Variants in COX7B2 observed in about 807,000 individuals in gnomAD.
COX7B2 encodes cytochrome c oxidase subunit 7B2, mitochondrial.
For synonymous variants in COX7B2, 37 were observed against 32.1 expected (o/e 1.15, Z -0.51); for missense variants, 109 against 95.9 (o/e 1.14, Z -0.57).
chr4:46,903,639 T>A (rs1720202118), intron 1 of COX7B2, among the ~76,000 whole-genome samples: 1 of 152,172 alleles, frequency 6.6e-6, no homozygotes, highest in Admixed American at 6.5e-5. Context: ...AACAGGTGTA[T>A]CATTTTTTAT....
At position 46,885,920 on chromosome 4, in the gene COX7B2, A is replaced by T. The variant is rs1577698173; in HGVS notation, c.-105+23240T>A. Reference sequence around the variant, plus strand: ...TTTTCCAAAACTGAGTTTCCAGGTCAAGAGTTTATTTTTCATGTTAGAATA... The same window carrying T: ...TTTTCCAAAACTGAGTTTCCAGGTCTAGAGTTTATTTTTCATGTTAGAATA... On this transcript the variant is annotated intron_variant, in intron 1 of 2. Transcript: ENST00000355591. Among the ~76,000 whole-genome samples the T allele has an allele frequency of 2.0e-5, 3 of 152,194 alleles. No homozygotes were observed. In the South Asian group the frequency reaches 6.2e-4, roughly 31 times the overall value.
intron 2 of COX7B2, among the ~76,000 whole-genome samples, chr4:46,782,011 G>A (rs2109554418): frequency 6.6e-6 from 1 of 152,258 alleles, no homozygotes; most frequent in East Asian, 1.9e-4. Context: ...GTGGCACCTG[G>A]TCGCACTGAC....
chr4:46,741,788 T>C (rs77598784), intron 2 of COX7B2, among the ~76,000 whole-genome samples: 5,835 of 152,192 alleles, frequency 0.038, 147 homozygotes, highest in Non-Finnish European at 0.06. Flanking sequence ...CTGGAATCTT[T>C]ATGACAAAAT....
intron 2 of COX7B2, among the ~76,000 whole-genome samples, chr4:46,801,493 C>A (rs760144351): frequency 2.0e-5 from 3 of 152,116 alleles, no homozygotes; most frequent in Middle Eastern, 3.2e-3. Context: ...AAACAAATAT[C>A]GCATGTTCCT....
intron 2 of COX7B2, among the ~76,000 whole-genome samples, chr4:46,844,644 C>T (rs1716145726): frequency 6.6e-6 from 1 of 151,976 alleles, no homozygotes; most frequent in African/African-American, 2.4e-5. Context: ...TGTTTGCTGG[C>T]AATACACACA....
At chr4:46,816,892 T>C (rs1421392030) in intron 2 of COX7B2, among the ~76,000 whole-genome samples, 1 of 152,206 alleles carries the variant, frequency 6.6e-6, no homozygotes, top group African/African-American at 2.4e-5. Context: ...TGTAGCTTGT[T>C]TGTGAGGGTA....
chr4:46,892,605 C>T (rs1160724639), intron 1 of COX7B2, among the ~76,000 whole-genome samples: 5 of 152,138 alleles, frequency 3.3e-5, no homozygotes, highest in Non-Finnish European at 7.4e-5. Flanking sequence ...AAACCTTGAG[C>T]TTCATCCCCA....
At chr4:46,833,374 G>C (rs1229335395) in intron 2 of COX7B2, among the ~76,000 whole-genome samples, 3 of 152,178 alleles carry the variant, frequency 2.0e-5, no homozygotes, top group African/African-American at 7.2e-5. Flanking sequence ...GATGTAACTA[G>C]AATGAGAAAA....
chr4:46,893,313 G>T (rs562881480), intron 1 of COX7B2, among the ~76,000 whole-genome samples: 1 of 152,138 alleles, frequency 6.6e-6, no homozygotes, highest in Non-Finnish European at 1.5e-5. Flanking sequence ...TACACAAGTG[G>T]TCTGCTTTAT....
chr4:46,813,980 G>T (rs187842177), intron 2 of COX7B2, among the ~76,000 whole-genome samples: 52 of 152,242 alleles, frequency 3.4e-4, no homozygotes, highest in African/African-American at 1.1e-3. Context: ...AAACTGTAAT[G>T]AGATATTATC....
chr4:46,777,666 C>A (rs1310529699), intron 2 of COX7B2, among the ~76,000 whole-genome samples: 6 of 151,940 alleles, frequency 3.9e-5, no homozygotes, highest in Admixed American at 6.6e-5. Flanking sequence ...AGGCTGGCAG[C>A]AAGTAGATAG....
intron 1 of COX7B2, among the ~76,000 whole-genome samples, chr4:46,893,081 C>T (rs930511319): frequency 3.9e-5 from 6 of 152,132 alleles, no homozygotes; most frequent in African/African-American, 1.4e-4. Flanking sequence ...TTATAAATTA[C>T]CCAGTCTCAG....
At chr4:46,759,107 A>T (rs971917633) in intron 2 of COX7B2, among the ~76,000 whole-genome samples, 1 of 152,126 alleles carries the variant, frequency 6.6e-6, no homozygotes, top group Admixed American at 6.6e-5. Flanking sequence ...CCATAGAATT[A>T]AATGTAAATC....
intron 1 of COX7B2, among the ~76,000 whole-genome samples, chr4:46,887,074 T>C (rs1012567364): frequency 6.6e-6 from 1 of 152,172 alleles, no homozygotes; most frequent in African/African-American, 2.4e-5. Context: ...AAGGAAGGCT[T>C]AATAAAAATC....
At chr4:46,907,848 CTTTTTTTTT>C (rs35024713) in intron 1 of COX7B2, among the ~76,000 whole-genome samples, 1 of 59,730 alleles carries the variant, frequency 1.7e-5, no homozygotes, top group Non-Finnish European at 3.1e-5. Context: ...TTTGAGCAGA[CTTTTTTTTT>C]TTTTTTTTTT....
intron 2 of COX7B2, among the ~76,000 whole-genome samples, chr4:46,796,013 G>A (rs1359919359): frequency 1.2e-5 from 1 of 82,300 alleles, no homozygotes; most frequent in African/African-American, 5.3e-5. Flanking sequence ...TCTGTTGTTG[G>A]TGTATAAGAA....
At chr4:46,755,643 G>T (rs910519549) in intron 2 of COX7B2, among the ~76,000 whole-genome samples, 1 of 151,928 alleles carries the variant, frequency 6.6e-6, no homozygotes, top group Non-Finnish European at 1.5e-5. Flanking sequence ...TAAAGTTACA[G>T]AAATTGGTAG....
chr4:46,843,932 C>A (rs1026692751), intron 2 of COX7B2, among the ~76,000 whole-genome samples: 3 of 151,888 alleles, frequency 2.0e-5, no homozygotes, highest in Admixed American at 2.0e-4. Flanking sequence ...TGGGGTTATT[C>A]CCTGGTGGCA....
At chr4:46,822,652 C>A (rs528183358) in intron 2 of COX7B2, among the ~76,000 whole-genome samples, 15 of 152,178 alleles carry the variant, frequency 9.9e-5, no homozygotes, top group African/African-American at 3.6e-4. Context: ...TAGATGTTTT[C>A]ACAATTCTAT....
Sources: gnomAD v4.1 joint callset for allele counts (sites outside exome capture counted in the v4.1 genomes callset) on GRCh38, gnomAD v4.1.1 for gene constraint, MANE v1.5 for transcripts, NCBI Gene and HGNC (gene_info 2026-07-23, HGNC 2026-07-21) for gene names.